Variants in ACSM3 observed in about 807,000 individuals in gnomAD.
ACSM3 encodes acyl-coenzyme A synthetase ACSM3, mitochondrial.
ACSM3 carries 61 observed loss-of-function variants against 74.1 expected under a neutral mutation model. The ratio of observed to expected loss-of-function variants is 0.82; its 90% confidence interval spans 0.67 to 1.02. ACSM3 has a LOEUF of 1.02. Ranked by LOEUF, ACSM3 falls within the 50% of genes least tolerant of loss-of-function variation. The pLI, the probability that ACSM3 is intolerant of heterozygous loss-of-function variation, is 0.00. For synonymous variants in ACSM3, 213 were observed against 241.5 expected, an observed-to-expected ratio of 0.88 and a Z score of 1.09; for missense variants, 660 against 697.0, an observed-to-expected ratio of 0.95 and a Z score of 0.60.
chr16:20,790,988 C>A lies in ACSM3; in HGVS notation c.1326+300C>A. 1 of 1,561,454 alleles carries A rather than the reference C, an allele frequency of 6.4e-7. No homozygotes were observed. The highest frequency in any genetic ancestry group is 8.7e-7 in the Non-Finnish European group (1 of 1,143,998). On this transcript the variant is annotated intron_variant, in intron 10 of 13. Transcript: ENST00000289416. This position sits in a 1 kb window ranked among gnomAD's most constrained non-coding sequence, Gnocchi z 4.0. ...TGATCCTCTCAATTATCAAACAAAACCCACTCATTTTCCTGAAATCCAGTT... is the reference window on the plus strand; with the variant it reads ...TGATCCTCTCAATTATCAAACAAAAACCACTCATTTTCCTGAAATCCAGTT...
intron 2 of ACSM3, chr16:20,755,441 T>C (rs1242872143): frequency 6.6e-6 from 1 of 151,902 alleles, no homozygotes; most frequent in Non-Finnish European, 1.5e-5. Flanking sequence ...AAAAAATATA[T>C]ATCAGCAAAA....
At chr16:20,742,314 C>T (rs1281241151) in intron 1 of ACSM3, among the ~76,000 whole-genome samples, 4 of 152,104 alleles carry the variant, frequency 2.6e-5, no homozygotes, top group Admixed American at 6.5e-5. Flanking sequence ...TGAGCCCAGT[C>T]GAGAAGGGCC....
At position 20,790,529 on chromosome 16, in the gene ACSM3, T is replaced by C. The variant is rs1347362459; in HGVS notation, c.1225-58T>C. ...CAAAATAAAACTTGCAAAGTTAATA[T>C]TTAAGCTGCGACATTAAACAAAAAT... On this transcript the variant is annotated intron_variant, in intron 9 of 13. Coordinates refer to ENST00000289416, the MANE Select transcript of ACSM3 (RefSeq NM_005622.4). The surrounding 1 kb of genome is among the most constrained non-coding windows in gnomAD (Gnocchi z 4.0). 5 of 1,501,562 alleles carry C rather than the reference T, an allele frequency of 3.3e-6. No individual in the cohort carries two copies. The East Asian group carries it at 9.1e-5, about 27-fold the overall frequency. 93.0% of individuals were successfully genotyped at this position (1,501,562 alleles called of 1,614,324 possible).
At chr16:20,741,460 TC>T in intron 1 of ACSM3, 1 of 1,473,946 alleles carries the variant, frequency 6.8e-7, no homozygotes, top group Non-Finnish European at 9.0e-7. Flanking sequence ...CCTTCCCTCC[TC>T]CCGCAAGGCC....
chr16:20,709,837 A>T (rs1422143200), intron 1 of ACSM3, among the ~76,000 whole-genome samples: 1 of 152,232 alleles, frequency 6.6e-6, no homozygotes, highest in East Asian at 1.9e-4. Context: ...GGCTTATAGC[A>T]CAAGTCTTGG....
At position 20,797,561 on chromosome 16, in the gene ACSM3, A is replaced by G. The variant is rs1295551710; in HGVS notation, c.*589A>G. ...ATTGTTGCTTATTATATGTAATCTA[A>G]TAAATACTGTTTACAAAAGATTACA... On this transcript the variant is annotated 3_prime_UTR_variant, in exon 14 of 14. Coordinates refer to ENST00000289416, the MANE Select transcript of ACSM3 (RefSeq NM_005622.4). The G allele has an allele frequency of 7.9e-7, 1 of 1,272,850 alleles. No homozygotes were observed. The highest frequency in any genetic ancestry group is 9.9e-7 in the Non-Finnish European group (1 of 1,010,466). The allele number at this position is 1,272,850 out of a possible 1,614,324, so 78.8% of individuals were successfully genotyped here. A position where few individuals can be genotyped will look rare whatever the true frequency, so the allele number is the denominator to read the frequency against.
chr16:20,789,139 AT>A (rs373236106), intron 9 of ACSM3, among the ~76,000 whole-genome samples: 5 of 152,180 alleles, frequency 3.3e-5, no homozygotes, highest in Non-Finnish European at 5.9e-5. Flanking sequence ...TGCTAATCTG[AT>A]TTTTTTAATT....
At chr16:20,724,093 A>G (rs1272949469) in intron 1 of ACSM3, among the ~76,000 whole-genome samples, 3 of 152,144 alleles carry the variant, frequency 2.0e-5, no homozygotes, top group Non-Finnish European at 4.4e-5. Flanking sequence ...TCAGCTTTCT[A>G]CATATGGCTA....
intron 10 of ACSM3, among the ~76,000 whole-genome samples, chr16:20,791,219 G>GT (rs764395393): frequency 6.6e-6 from 1 of 152,136 alleles, no homozygotes; most frequent in Non-Finnish European, 1.5e-5. Context: ...TTGATATAAT[G>GT]TAACAGTATC....
intron 10 of ACSM3, 64 bp from the exon 11 acceptor site, chr16:20,791,938 A>G: frequency 1.4e-5 from 22 of 1,583,014 alleles, no homozygotes; most frequent in Non-Finnish European, 1.8e-5. Flanking sequence ...AAAAAAAAAA[A>G]AAAATTCCAA....
At chr16:20,730,070 C>T (rs550685029) in intron 1 of ACSM3, among the ~76,000 whole-genome samples, 2 of 152,250 alleles carry the variant, frequency 1.3e-5, no homozygotes, top group Non-Finnish European at 1.5e-5. Flanking sequence ...ACATCTCTCA[C>T]CAATGTGGTT....
At chr16:20,706,270 A>C (rs1199843040) in intron 1 of ACSM3, among the ~76,000 whole-genome samples, 2 of 152,228 alleles carry the variant, frequency 1.3e-5, no homozygotes, top group Admixed American at 1.3e-4. Flanking sequence ...TAGGCATGTC[A>C]TAATCAAACT....
At chr16:20,718,013 AG>A in intron 1 of ACSM3, among the ~76,000 whole-genome samples, 1 of 148,394 alleles carries the variant, frequency 6.7e-6, no homozygotes, top group East Asian at 2.0e-4. Flanking sequence ...AAGAAGAAGA[AG>A]AAGAAGAAGA....
intron 1 of ACSM3, chr16:20,729,399 G>C (rs966556004): frequency 1.4e-5 from 16 of 1,144,210 alleles, no homozygotes; most frequent in Middle Eastern, 3.9e-4. Context: ...GATTGACAGG[G>C]GGGGAGCTCT....
intron 1 of ACSM3, chr16:20,738,862 A>T: frequency 6.2e-7 from 1 of 1,607,264 alleles, no homozygotes; most frequent in Non-Finnish European, 8.5e-7. Context: ...CCCAGATGTT[A>T]TGAGATCGAT....
At position 20,747,075 on chromosome 16, in the gene ACSM3, T is replaced by TA. The variant is rs71377680; in HGVS notation, c.-189-2824dup. 3.8e-3 allele frequency among the ~76,000 whole-genome samples: 553 copies of TA among 146,180 alleles called. 2 individuals are homozygous for TA. The highest frequency in any genetic ancestry group is 4.9e-3 in the Non-Finnish European group (324 of 66,030). On this transcript the variant is annotated intron_variant, in intron 1 of 3. Coordinates refer to the ACSM3 transcript ENST00000561584. ...AGTAATTGTTTTGAAGCAGGAGATA[T>TA]AAAAAAAAAAACAAGTTTTCTTGGA... is the stretch of plus-strand genomic sequence containing the variant.
chr16:20,729,436 G>A, intron 1 of ACSM3: 1 of 819,150 alleles, frequency 1.2e-6, no homozygotes, highest in South Asian at 1.4e-5. Context: ...GTGGTCAAAG[G>A]CTTCTTTTCC....
intron 1 of ACSM3, chr16:20,691,263 T>C (rs961763843): frequency 5.5e-6 from 7 of 1,274,114 alleles, no homozygotes; most frequent in South Asian, 4.9e-5. Context: ...GGCTAATAGA[T>C]TGGCTGTGTA....
intron 1 of ACSM3, among the ~76,000 whole-genome samples, chr16:20,726,874 T>G (rs1322787427): frequency 6.6e-6 from 1 of 152,222 alleles, no homozygotes; most frequent in African/African-American, 2.4e-5. Flanking sequence ...GAGTATCAAC[T>G]CAGCCCTTTA....
Sources: allele counts gnomAD v4.1 joint callset (sites outside exome capture counted in the v4.1 genomes callset), GRCh38; gene constraint gnomAD v4.1.1; non-coding constraint Gnocchi (gnomAD v3.1); transcripts MANE v1.5; gene names NCBI Gene and HGNC (gene_info 2026-07-23, HGNC 2026-07-21).